Variants in LRRTM4 observed in about 807,000 individuals in gnomAD.
The protein encoded by LRRTM4 is leucine-rich repeat transmembrane neuronal protein 4.
In LRRTM4, 25 loss-of-function variants were observed where a neutral mutation model predicts 47.6. That is an observed-to-expected ratio of 0.53 (90% CI 0.38 to 0.73). The LOEUF is 0.73. Ranked by LOEUF, LRRTM4 falls within the 30% of genes least tolerant of loss-of-function variation. The pLI, the probability that LRRTM4 is intolerant of heterozygous loss-of-function variation, is 0.00. For missense variants in LRRTM4, 638 were observed against 713.4 expected (o/e 0.89, Z 1.20); for synonymous variants, 311 against 269.5 (o/e 1.15, Z -1.51).
chr2:76,942,555 A>G (rs933813380), intron 3 of LRRTM4, among the ~76,000 whole-genome samples: 2 of 150,524 alleles, frequency 1.3e-5, no homozygotes, highest in African/African-American at 4.9e-5. Context: ...TAGAAAATGT[A>G]TGAATTTTTA....
In LRRTM4 at chr2:77,519,057, C is replaced by T. The variant is rs745904364; in HGVS notation, c.812G>A (p.Gly271Asp). ...TAAATTGGGGAGGCATTTAAATGTG[C>T]CCGGCTCAATTCCTTGGATGTCATT... is the stretch of plus-strand genomic sequence containing the variant. ...SGNDIQGIEPGTFKCLPNLQK... is the reference protein window; with the variant it reads ...SGNDIQGIEPDTFKCLPNLQK... The change falls in exon 3 of 4, where the codon GGC (glycine) becomes GAC (aspartate). Residue 271 changes from glycine to aspartate, a missense_variant. Transcript: ENST00000409884. This position sits in a 1 kb window ranked among gnomAD's most constrained non-coding sequence, Gnocchi z 4.6. 2 of 1,612,270 alleles carry T rather than the reference C, an allele frequency of 1.2e-6. No individual in the cohort carries two copies. The highest frequency in any genetic ancestry group is 1.3e-5 in the African/African-American group (1 of 74,818).
At chr2:77,383,880 C>T (rs556173688) in intron 3 of LRRTM4, among the ~76,000 whole-genome samples, 1 of 152,196 alleles carries the variant, frequency 6.6e-6, no homozygotes, top group Non-Finnish European at 1.5e-5. Flanking sequence ...GCCCAGTAAT[C>T]TGATTCATTA....
chr2:76,774,189 T>A (rs1046413887), intron 3 of LRRTM4, among the ~76,000 whole-genome samples: 6 of 152,212 alleles, frequency 3.9e-5, no homozygotes, highest in East Asian at 3.9e-4. Context: ...TTTTTTTTTT[T>A]TTATTTTTAG....
intron 3 of LRRTM4, among the ~76,000 whole-genome samples, chr2:77,342,932 T>A (rs1671428465): frequency 6.6e-6 from 1 of 151,962 alleles, no homozygotes; most frequent in African/African-American, 2.4e-5. Flanking sequence ...TAAGCACCTC[T>A]CTCAAGGATT....
chr2:76,979,680 T>C (rs1240255010), intron 3 of LRRTM4, among the ~76,000 whole-genome samples: 1 of 123,610 alleles, frequency 8.1e-6, no homozygotes, highest in African/African-American at 3.6e-5. Flanking sequence ...ATCACAGCTT[T>C]CAATTAGAGT....
At chr2:77,440,923 T>C (rs1389444340) in intron 3 of LRRTM4, among the ~76,000 whole-genome samples, 1 of 152,222 alleles carries the variant, frequency 6.6e-6, no homozygotes, top group Non-Finnish European at 1.5e-5. Flanking sequence ...AATCAAGAAG[T>C]ACTCTCCAAA....
At chr2:77,426,432 G>GCTTTC (rs1239712164) in intron 3 of LRRTM4, among the ~76,000 whole-genome samples, 1 of 152,018 alleles carries the variant, frequency 6.6e-6, no homozygotes, top group African/African-American at 2.4e-5. Context: ...ACACTTACAG[G>GCTTTC]CTTTCCTTTC....
chr2:77,342,778 A>G (rs1671421173), intron 3 of LRRTM4, among the ~76,000 whole-genome samples: 1 of 151,904 alleles, frequency 6.6e-6, no homozygotes, highest in African/African-American at 2.4e-5. Context: ...TGCTTCTAAT[A>G]TAAAAGCAGA....
chr2:76,927,345 G>A (rs538423326), intron 3 of LRRTM4, among the ~76,000 whole-genome samples: 1 of 152,172 alleles, frequency 6.6e-6, no homozygotes, highest in Admixed American at 6.5e-5. Flanking sequence ...AGACCTTGAG[G>A]GGATTAAAAA....
At chr2:77,037,771 C>T (rs1352924282) in intron 3 of LRRTM4, among the ~76,000 whole-genome samples, 1 of 151,762 alleles carries the variant, frequency 6.6e-6, no homozygotes, top group Non-Finnish European at 1.5e-5. Context: ...GGAACATCAA[C>T]CACCAGAGTT....
At chr2:77,473,681 A>T (rs1677275205) in intron 3 of LRRTM4, among the ~76,000 whole-genome samples, 1 of 152,160 alleles carries the variant, frequency 6.6e-6, no homozygotes, top group African/African-American at 2.4e-5. Context: ...TTTGGGGAGT[A>T]AGAAGTGATA....
intron 3 of LRRTM4, among the ~76,000 whole-genome samples, chr2:77,002,911 C>T (rs989938598): frequency 7.9e-5 from 12 of 151,996 alleles, no homozygotes; most frequent in Non-Finnish European, 1.3e-4. Context: ...TTAATTTATT[C>T]TATTCATTTT....
At chr2:76,748,998 G>C in intron 3 of LRRTM4, 82 bp from the exon 4 acceptor site, 1 of 1,158,212 alleles carries the variant, frequency 8.6e-7, no homozygotes, top group East Asian at 2.5e-5. Flanking sequence ...TTGTATTTTT[G>C]TTCTCTTTCA....
intron 3 of LRRTM4, among the ~76,000 whole-genome samples, chr2:76,934,489 G>C (rs1674875309): frequency 6.6e-6 from 1 of 152,172 alleles, no homozygotes; most frequent in African/African-American, 2.4e-5. Context: ...CACAGTTGTT[G>C]CAAGACTTCA....
chr2:77,037,930 T>C (rs1678892643), intron 3 of LRRTM4, among the ~76,000 whole-genome samples: 1 of 151,682 alleles, frequency 6.6e-6, no homozygotes, highest in African/African-American at 2.4e-5. Context: ...GAAGTGTTTC[T>C]GGAGGAGTCC....
At chr2:76,916,403 A>AAAAAAAAAAAAAG (rs1674251119) in intron 3 of LRRTM4, among the ~76,000 whole-genome samples, 1 of 138,578 alleles carries the variant, frequency 7.2e-6, no homozygotes, top group Non-Finnish European at 1.5e-5. Context: ...AAAAAAAAAA[A>AAAAAAAAAAAAAG]AAAAGAAAAG....
At chr2:77,472,587 T>C (rs1335924107) in intron 3 of LRRTM4, among the ~76,000 whole-genome samples, 2 of 152,080 alleles carry the variant, frequency 1.3e-5, no homozygotes, top group African/African-American at 4.8e-5. Context: ...GCTTTGTCTA[T>C]ACCAAGAATG....
At chr2:77,139,126 G>C (rs1026370657) in intron 3 of LRRTM4, among the ~76,000 whole-genome samples, 1 of 152,038 alleles carries the variant, frequency 6.6e-6, no homozygotes, top group Admixed American at 6.6e-5. Flanking sequence ...CATTTTATGA[G>C]GCCAGCATCG....
chr2:77,466,137 A>C (rs1676974140), intron 3 of LRRTM4, among the ~76,000 whole-genome samples: 1 of 152,218 alleles, frequency 6.6e-6, no homozygotes, highest in African/African-American at 2.4e-5. Flanking sequence ...AATAGAATTA[A>C]ATTCAGATCA....
Sources: gnomAD v4.1 joint callset for allele counts (sites outside exome capture counted in the v4.1 genomes callset) on GRCh38, gnomAD v4.1.1 for gene constraint, Gnocchi (gnomAD v3.1) non-coding constraint, MANE v1.5 for transcripts, NCBI Gene and HGNC (gene_info 2026-07-23, HGNC 2026-07-21) for gene names.